The following DGKD variants were observed in gnomAD, a reference collection of about 807,000 sequenced individuals.
The protein encoded by DGKD is DAG kinase delta.
In DGKD, 68 loss-of-function variants were observed where a neutral mutation model predicts 154.4. The observed-to-expected ratio is 0.44, with a 90% CI of 0.36 to 0.54. The LOEUF (loss-of-function observed/expected upper bound fraction) is 0.54, where lower values mean the gene tolerates loss of function less well. Among genes scored for constraint, DGKD ranks in the 20% least tolerant of loss-of-function variants. DGKD has a pLI of 0.00. For missense variants in DGKD, 1,343 were observed against 1,593.6 expected (o/e 0.84, Z 2.68); for synonymous variants, 693 against 638.0 (o/e 1.09, Z -1.30).
intron 3 of DGKD, among the ~76,000 whole-genome samples, chr2:233,418,912 A>G (rs1271987956): frequency 5.9e-5 from 9 of 152,064 alleles, no homozygotes; most frequent in South Asian, 2.1e-4. Flanking sequence ...GGCTCTTTCT[A>G]TATGGGGAAC....
rs1703164010 is a variant in DGKD at position 233,386,155 on chromosome 2, T to C, written c.157-2102T>C. 3 of 306,962 alleles carry C rather than the reference T, an allele frequency of 9.8e-6. No individual in the cohort carries two copies. In the Admixed American group the frequency reaches 1.3e-4, roughly 13 times the overall value. The allele number at this position is 306,962 out of a possible 1,614,324, so 19.0% of individuals were successfully genotyped here. A position where few individuals can be genotyped will look rare whatever the true frequency, so the allele number is the denominator to read the frequency against. ...TTTTCTGGGTTTTGGGTTGTTGGTT[T>C]TGTCTTTTTTTTTTTTCCCATTTAG... On this transcript the variant is annotated intron_variant, in intron 1 of 29. Transcript: ENST00000264057.
At chr2:233,435,946 G>A (rs2062677816) in intron 6 of DGKD, 22 bp downstream of exon 6, 2 of 1,583,060 alleles carry the variant, frequency 1.3e-6, no homozygotes, top group Non-Finnish European at 1.7e-6. Flanking sequence ...AATACCACCT[G>A]TGGGGCCCTG....
chr2:233,364,783 T>C (rs1353277244), intron 1 of DGKD, among the ~76,000 whole-genome samples: 1 of 152,202 alleles, frequency 6.6e-6, no homozygotes, highest in Non-Finnish European at 1.5e-5. Flanking sequence ...AGTAATCACA[T>C]TAAATCTAGG....
At chr2:233,361,266 A>C (rs1161062023) in intron 1 of DGKD, among the ~76,000 whole-genome samples, 2 of 152,242 alleles carry the variant, frequency 1.3e-5, no homozygotes, top group African/African-American at 4.8e-5. Context: ...GAAGGACTGC[A>C]GCCCTGCTTC....
At chr2:233,446,903 T>G in intron 12 of DGKD, 107 bp downstream of exon 12, 5 of 1,319,428 alleles carry the variant, frequency 3.8e-6, no homozygotes, top group Non-Finnish European at 4.2e-6. Context: ...CCCTTTGGTG[T>G]TGGGGTGTCA....
chr2:233,383,642 C>G (rs1270086804), intron 1 of DGKD, among the ~76,000 whole-genome samples: 1 of 152,204 alleles, frequency 6.6e-6, no homozygotes, highest in Non-Finnish European at 1.5e-5. Flanking sequence ...CTGCCAGGAG[C>G]TCACGCGTGT....
At chr2:233,417,741 G>A (rs2061994866) in intron 3 of DGKD, among the ~76,000 whole-genome samples, 1 of 152,240 alleles carries the variant, frequency 6.6e-6, no homozygotes, top group South Asian at 2.1e-4. Context: ...ATAGACCTGC[G>A]ATTCTCAAAC....
chr2:233,375,899 C>T (rs549400683), intron 1 of DGKD, among the ~76,000 whole-genome samples: 1 of 152,104 alleles, frequency 6.6e-6, no homozygotes, highest in Non-Finnish European at 1.5e-5. Flanking sequence ...GTCAAGTATC[C>T]CTCTGATGGA....
chr2:233,453,075 C>T (rs7602378), intron 18 of DGKD, among the ~76,000 whole-genome samples: 1 of 152,172 alleles, frequency 6.6e-6, no homozygotes, highest in Non-Finnish European at 1.5e-5. Context: ...ATAGTGAGCA[C>T]TGTCCCTAGA....
intron 10 of DGKD, among the ~76,000 whole-genome samples, chr2:233,443,452 A>G: frequency 6.6e-6 from 1 of 152,014 alleles, no homozygotes; most frequent in Non-Finnish European, 1.5e-5. Context: ...TCAGTTCAAC[A>G]TCCTTTTTGG....
intron 1 of DGKD, among the ~76,000 whole-genome samples, chr2:233,367,403 A>AT (rs1702082043): frequency 6.6e-6 from 1 of 151,774 alleles, no homozygotes. Context: ...TGATTTTTTT[A>AT]TTTTTAGTAG....
rs973942996 is a variant in DGKD at position 233,452,309 on chromosome 2, G to A, written c.2264+249G>A. 5.3e-5 allele frequency among the ~76,000 whole-genome samples: 8 copies of A among 152,174 alleles called. No homozygotes were observed. The highest frequency in any genetic ancestry group is 1.3e-4 in the Admixed American group (2 of 15,276). ...CAAGGTCCCACGGTGCTTGCTTGAC[G>A]TCCCCTGAGCCTGCATGCCCTTCTG... On this transcript the variant is annotated intron_variant, in intron 18 of 29. Transcript: ENST00000264057. This position sits in a 1 kb window ranked among gnomAD's most constrained non-coding sequence, Gnocchi z 4.0.
At chr2:233,430,520 A>G (rs1470096909) in intron 3 of DGKD, among the ~76,000 whole-genome samples, 2 of 152,212 alleles carry the variant, frequency 1.3e-5, no homozygotes, top group Non-Finnish European at 2.9e-5. Flanking sequence ...ACATGTTTGC[A>G]TGTATCTTAA....
chr2:233,444,312 A>G (rs1050655494), intron 10 of DGKD, among the ~76,000 whole-genome samples: 9 of 151,732 alleles, frequency 5.9e-5, no homozygotes, highest in African/African-American at 1.9e-4. Flanking sequence ...CCTGCCACCC[A>G]CAGTACCCTG....
intron 1 of DGKD, among the ~76,000 whole-genome samples, chr2:233,376,232 T>G (rs1702567347): frequency 6.6e-6 from 1 of 152,194 alleles, no homozygotes; most frequent in Non-Finnish European, 1.5e-5. Context: ...TGGCTATAAT[T>G]TAGTCTGAAC....
intron 3 of DGKD, among the ~76,000 whole-genome samples, chr2:233,431,338 A>T (rs75872913): frequency 1.3e-5 from 2 of 152,268 alleles, no homozygotes; most frequent in African/African-American, 4.8e-5. Flanking sequence ...CACACAAAAA[A>T]TGGAAAGATA....
rs1490230741 is a variant in DGKD, at chr2:233,471,680, G to A, written c.*2220G>A. 1 of 152,392 alleles carries A rather than the reference G, an allele frequency of 6.6e-6. No individual in the cohort carries two copies. Among genetic ancestry groups the A allele is most frequent in the Non-Finnish European group, 1.5e-5 (1 of 68,050 alleles). 9.4% of individuals were successfully genotyped at this position (152,392 alleles called of 1,614,324 possible). On this transcript the variant is annotated 3_prime_UTR_variant, in exon 30 of 30. Coordinates refer to ENST00000264057, the MANE Select transcript of DGKD (RefSeq NM_152879.3). ...AAAATTAATATGTTGTCAGTGATTA[G>A]AACAACACTGTTTACATAAAAACCA...
At chr2:233,378,389 G>A (rs1212914746) in intron 1 of DGKD, among the ~76,000 whole-genome samples, 2 of 150,272 alleles carry the variant, frequency 1.3e-5, no homozygotes, top group African/African-American at 4.9e-5. Context: ...TCCAGCCTGG[G>A]CGATAGAGTG....
At chr2:233,406,972 G>A (rs2061701990) in intron 3 of DGKD, among the ~76,000 whole-genome samples, 2 of 152,150 alleles carry the variant, frequency 1.3e-5, no homozygotes. Context: ...ATAGTTTATG[G>A]TATCAAGAAG....
Sources: gnomAD v4.1 joint callset for allele counts (sites outside exome capture counted in the v4.1 genomes callset) on GRCh38, gnomAD v4.1.1 for gene constraint, Gnocchi (gnomAD v3.1) non-coding constraint, MANE v1.5 for transcripts, NCBI Gene and HGNC (gene_info 2026-07-23, HGNC 2026-07-21) for gene names.